Variants in TRIM2 observed in about 807,000 individuals in gnomAD.
TRIM2 encodes tripartite motif-containing protein 2.
A neutral mutation model predicts 75.2 loss-of-function variants in TRIM2; 20 were observed. That is an observed-to-expected ratio of 0.27 (90% CI 0.19 to 0.39). TRIM2 has a LOEUF of 0.39. Ranked by LOEUF, TRIM2 falls within the 10% of genes least tolerant of loss-of-function variation. The pLI is 1.00. For synonymous variants in TRIM2, 373 were observed against 388.3 expected (o/e 0.96, Z 0.46); for missense variants, 660 against 990.8 (o/e 0.67, Z 4.48).
At chr4:153,305,829 G>C (rs1409338799) in intron 6 of TRIM2, among the ~76,000 whole-genome samples, 1 of 152,112 alleles carries the variant, frequency 6.6e-6, no homozygotes, top group Admixed American at 6.6e-5. Context: ...GTAACTTTCT[G>C]GGGGGACCCA....
upstream of TRIM2, among the ~76,000 whole-genome samples, chr4:153,202,550 T>G (rs1278620589): frequency 2.0e-5 from 3 of 151,796 alleles, no homozygotes; most frequent in Non-Finnish European, 2.9e-5. Context: ...ATAAATAAAA[T>G]TAGCCGGGCA....
chr4:153,170,631 T>C (rs1428690723), intron 1 of TRIM2, among the ~76,000 whole-genome samples: 1 of 152,196 alleles, frequency 6.6e-6, no homozygotes, highest in Non-Finnish European at 1.5e-5. Flanking sequence ...AGGCAAGCCC[T>C]GGAGCTTTTA....
At chr4:153,257,704 C>A in intron 1 of TRIM2, 1 of 806,354 alleles carries the variant, frequency 1.2e-6, no homozygotes, top group Non-Finnish European at 1.8e-6. Flanking sequence ...GTAGCTGCAG[C>A]GACAGACTTG....
Position 153,321,114 on chromosome 4 carries a change from C to T in TRIM2, c.1783-1534C>T, listed in dbSNP as rs146296846. 9.7e-4 allele frequency among the ~76,000 whole-genome samples: 147 copies of T among 152,296 alleles called. 1 individual carries two copies. The East Asian group carries it at 0.021, about 22-fold the overall frequency. On this transcript the variant is annotated intron_variant, in intron 8 of 11. Transcript: ENST00000338700. ...GTGGCGTCATCAAGTTTTCACTTCA[C>T]ATGCATTCTGAGATGGCCTAATTGA...
chr4:153,192,677 C>T (rs536404122), intron 1 of TRIM2, among the ~76,000 whole-genome samples: 60 of 151,638 alleles, frequency 4.0e-4, no homozygotes, highest in Admixed American at 6.6e-4. Context: ...GATGACAGTT[C>T]GATATATTGT....
intron 6 of TRIM2, among the ~76,000 whole-genome samples, chr4:153,302,057 A>C (rs928436646): frequency 2.0e-5 from 3 of 152,174 alleles, no homozygotes; most frequent in Non-Finnish European, 4.4e-5. Context: ...ATTTTAGATC[A>C]CTTGGGGGTA....
intron 6 of TRIM2, among the ~76,000 whole-genome samples, chr4:153,301,497 A>G (rs1763917471): frequency 6.6e-6 from 1 of 152,114 alleles, no homozygotes; most frequent in Admixed American, 6.5e-5. Context: ...AGTTTGATGT[A>G]ATTCCATGTA....
At chr4:153,179,445 C>G (rs913443777) in intron 1 of TRIM2, among the ~76,000 whole-genome samples, 8 of 151,934 alleles carry the variant, frequency 5.3e-5, no homozygotes, top group African/African-American at 1.9e-4. Flanking sequence ...AATTCACAGC[C>G]TCCCAGACTT....
chr4:153,243,346 G>A (rs1425944466), intron 1 of TRIM2, among the ~76,000 whole-genome samples: 2 of 152,232 alleles, frequency 1.3e-5, no homozygotes, highest in Non-Finnish European at 2.9e-5. Flanking sequence ...GACTCTTTTC[G>A]TTGAGAGAGT....
intron 1 of TRIM2, among the ~76,000 whole-genome samples, chr4:153,166,058 G>A (rs1330075665): frequency 2.6e-5 from 4 of 151,828 alleles, no homozygotes; most frequent in Non-Finnish European, 4.4e-5. Context: ...CTTTAATGCC[G>A]TTGAAATCTT....
At chr4:153,303,312 A>T (rs201270187) in intron 6 of TRIM2, among the ~76,000 whole-genome samples, 9,782 of 141,620 alleles carry the variant, frequency 0.069, 418 homozygotes, top group Middle Eastern at 0.14. Flanking sequence ...AAAAAAAAAA[A>T]ATATATAAAA....
At position 153,168,229 on chromosome 4, in the gene TRIM2, A is replaced by C. The variant is rs1055730102; in HGVS notation, c.-49+14959A>C. Among the ~76,000 whole-genome samples, 3 of 152,350 alleles carry C rather than the reference A, an allele frequency of 2.0e-5. No individual in the cohort carries two copies. The South Asian group carries it at 6.2e-4, about 32-fold the overall frequency. On this transcript the variant is annotated intron_variant, in intron 1 of 11. Coordinates refer to the TRIM2 transcript ENST00000437508. The stretch of plus-strand genomic sequence containing the variant: ...GCATGCTATGCAACCACACACACAC[A>C]AATGAGCATATAGAACTAAATATTT...
chr4:153,308,255 C>T, intron 6 of TRIM2: 3 of 1,554,880 alleles, frequency 1.9e-6, no homozygotes, highest in South Asian at 1.1e-5. Context: ...GGGCAACCAT[C>T]AGCTTGCAGA....
In TRIM2 at chr4:153,313,627, CTTTT is replaced by C. The variant is rs398051309; in HGVS notation, c.1511-1838_1511-1835del. Among the ~76,000 whole-genome samples, 827 of 98,504 alleles carry C rather than the reference CTTTT, an allele frequency of 8.4e-3. 6 individuals carry two copies. Among genetic ancestry groups the C allele is most frequent in the East Asian group, 0.069 (258 of 3,718 alleles). 64.6% of individuals were successfully genotyped at this position (98,504 alleles called of 152,430 possible). On this transcript the variant is annotated intron_variant, in intron 6 of 11. Transcript: ENST00000338700. ...GTCGAAAAACAAAATAGCAATGGCT[CTTTT>C]TTTTTTTTTTTTTTTTTTTGAGACA...
At chr4:153,219,282 C>T (rs1739330036) in intron 1 of TRIM2, among the ~76,000 whole-genome samples, 1 of 152,098 alleles carries the variant, frequency 6.6e-6, no homozygotes, top group Non-Finnish European at 1.5e-5. Context: ...AGTCATAAAG[C>T]CCGATCCGCC....
At chr4:153,326,978 TCAA>T (rs1561021817) in intron 10 of TRIM2, among the ~76,000 whole-genome samples, 1 of 41,288 alleles carries the variant, frequency 2.4e-5, no homozygotes, top group Non-Finnish European at 4.3e-5. Flanking sequence ...AGACTCCATC[TCAA>T]AAAAAAAAAA....
chr4:153,172,349 G>A (rs909870793), intron 1 of TRIM2, among the ~76,000 whole-genome samples: 3 of 152,020 alleles, frequency 2.0e-5, no homozygotes, highest in Non-Finnish European at 4.4e-5. Context: ...CACCGCGCCC[G>A]GCTAATTTTT....
At chr4:153,328,735 TGTCC>T (rs1770797577) in intron 11 of TRIM2, 65 bp downstream of exon 11, 1 of 1,475,670 alleles carries the variant, frequency 6.8e-7, no homozygotes, top group African/African-American at 1.4e-5. Flanking sequence ...AAGAATTTGC[TGTCC>T]CCCAAACTGG....
intron 6 of TRIM2, among the ~76,000 whole-genome samples, chr4:153,307,041 G>C (rs1031161870): frequency 2.0e-5 from 3 of 152,122 alleles, no homozygotes; most frequent in African/African-American, 7.2e-5. Flanking sequence ...GAAAACTTAA[G>C]TGTATGCCCA....
Sources: allele counts gnomAD v4.1 joint callset (sites outside exome capture counted in the v4.1 genomes callset), GRCh38; gene constraint gnomAD v4.1.1; transcripts MANE v1.5; gene names NCBI Gene and HGNC (gene_info 2026-07-23, HGNC 2026-07-21).